Variants in ATPAF1 observed in about 807,000 individuals in gnomAD.
ATPAF1 encodes the protein homolog of yeast ATP11.
In ATPAF1, 26 loss-of-function variants were observed where a neutral mutation model predicts 43.9. The ratio of observed to expected loss-of-function variants is 0.59; its 90% CI spans 0.43 to 0.82. The LOEUF (loss-of-function observed/expected upper bound fraction) is 0.82. ATPAF1 is among the 40% of genes least tolerant of loss of function. The pLI, the probability that ATPAF1 is intolerant of heterozygous loss-of-function variation, is 0.00. For missense variants in ATPAF1, 366 were observed against 435.0 expected (o/e 0.84, Z 1.41); for synonymous variants, 157 against 168.0 (o/e 0.93, Z 0.50).
At chr1:46,650,332 T>C (rs1478766235) in intron 6 of ATPAF1, among the ~76,000 whole-genome samples, 1 of 150,822 alleles carries the variant, frequency 6.6e-6, no homozygotes, top group Admixed American at 6.6e-5. Context: ...AAGCCCATCC[T>C]GGGCAACACA....
intron 7 of ATPAF1, 116 bp from the exon 8 acceptor site, chr1:46,643,417 A>G (rs1745377): frequency 0.66 from 489,068 of 740,776 alleles, 169,337 homozygotes; most frequent in Non-Finnish European, 0.74. Context: ...TTGGGTGGCT[A>G]GTGAGTTGGA....
chr1:46,641,896 G>A (rs1009074736), intron 8 of ATPAF1, among the ~76,000 whole-genome samples: 20 of 151,994 alleles, frequency 1.3e-4, no homozygotes, highest in Non-Finnish European at 2.2e-4. Flanking sequence ...TCAGTCCTAT[G>A]GTTTTAAGTA....
chr1:46,652,957 A>ACAATGAG (rs1473518034), intron 5 of ATPAF1, among the ~76,000 whole-genome samples: 7 of 152,122 alleles, frequency 4.6e-5, no homozygotes, highest in Non-Finnish European at 7.4e-5. Context: ...CAGAGATCTA[A>ACAATGAG]AACATCACAA....
intron 4 of ATPAF1, among the ~76,000 whole-genome samples, chr1:46,655,747 T>C (rs11211334): frequency 0.38 from 57,822 of 151,994 alleles, 12,628 homozygotes; most frequent in Non-Finnish European, 0.5. Flanking sequence ...TCCCAAATTC[T>C]TCCTGTACTC....
At chr1:46,651,461 C>T (rs971203289) in intron 6 of ATPAF1, among the ~76,000 whole-genome samples, 8 of 152,152 alleles carry the variant, frequency 5.3e-5, no homozygotes, top group East Asian at 1.9e-4. Flanking sequence ...AATAAGCATA[C>T]GTGTGCATGT....
At chr1:46,640,375 C>G (rs762745024) in intron 8 of ATPAF1, among the ~76,000 whole-genome samples, 1 of 152,086 alleles carries the variant, frequency 6.6e-6, no homozygotes, top group Non-Finnish European at 1.5e-5. Context: ...TCTGGAAGGC[C>G]GAGGTGGGTC....
intron 6 of ATPAF1, among the ~76,000 whole-genome samples, chr1:46,646,437 G>C (rs918817585): frequency 4.6e-5 from 7 of 152,208 alleles, no homozygotes; most frequent in African/African-American, 1.7e-4. Flanking sequence ...AGATAAGGCT[G>C]ATATTGGAGC....
At chr1:46,665,955 G>T in intron 1 of ATPAF1, 1 of 1,005,530 alleles carries the variant, frequency 9.9e-7, no homozygotes, top group Non-Finnish European at 1.3e-6. Flanking sequence ...CAGGTTTGAA[G>T]TCCAGGCTGG....
At chr1:46,641,690 T>A (rs1011841734) in intron 8 of ATPAF1, among the ~76,000 whole-genome samples, 3 of 152,214 alleles carry the variant, frequency 2.0e-5, no homozygotes, top group African/African-American at 7.2e-5. Flanking sequence ...TTTGGTGAGT[T>A]GAGCAGTCCC....
rs61424226 is a variant in ATPAF1 at position 46,649,830 on chromosome 1, G to A, written c.588+2751C>T. Among the ~76,000 whole-genome samples the A allele has an allele frequency of 3.4e-3, 522 of 152,132 alleles. 3 individuals are homozygous for A. The highest frequency in any genetic ancestry group is 0.012 in the African/African-American group (506 of 41,482). On this transcript the variant is annotated intron_variant, in intron 6 of 8. Coordinates refer to ENST00000574428, the Ensembl canonical transcript of ATPAF1. ...AATCCCAGCTACTTAGAAGGCTGAG[G>A]TGGGGGTATTGCTTCAGCTGAAGAG...
In ATPAF1 at chr1:46,652,629, C is replaced by T; in HGVS notation, c.541-1G>A. Reference sequence around the variant, plus strand: ...TCCAGATCAAATCAAACTTTTCTGCCTGTAGGTTGGAAAAGAATAAAGTTA... The same window carrying T: ...TCCAGATCAAATCAAACTTTTCTGCTTGTAGGTTGGAAAAGAATAAAGTTA... On this transcript the variant is annotated splice_acceptor_variant, in intron 5 of 8. Transcript: ENST00000574428. LOFTEE classifies it high-confidence loss of function. 3.7e-6 allele frequency: 6 copies of T among 1,612,624 alleles called. No homozygotes were observed. The highest frequency in any genetic ancestry group is 5.1e-6 in the Non-Finnish European group (6 of 1,179,098).
rs147890721 is a variant in ATPAF1, at chr1:46,664,078, T to G, written c.375+1178A>C. Among the ~76,000 whole-genome samples the G allele has an allele frequency of 5.9e-3, 901 of 152,312 alleles. 11 individuals are homozygous for G. Among genetic ancestry groups the G allele is most frequent in the East Asian group, 0.033 (171 of 5,186 alleles). Reference sequence around the variant, plus strand: ...TTATACATTTTTTTTTCAGTTACAATCATATACCTACATGTGTACTGAATT... The same window carrying G: ...TTATACATTTTTTTTTCAGTTACAAGCATATACCTACATGTGTACTGAATT... On this transcript the variant is annotated intron_variant, in intron 2 of 8. Transcript: ENST00000574428.
chr1:46,649,968 A>G (rs903897474), intron 6 of ATPAF1, among the ~76,000 whole-genome samples: 25 of 152,084 alleles, frequency 1.6e-4, no homozygotes, highest in Admixed American at 1.5e-3. Flanking sequence ...GAGCCATCCA[A>G]TCCATGAACA....
At chr1:46,633,047 C>G (rs1290441419), downstream of ATPAF1, 2 of 152,632 alleles carry the variant, frequency 1.3e-5, no homozygotes, top group Non-Finnish European at 2.9e-5. Flanking sequence ...GTGTGGCTGG[C>G]TAATTACCTA....
intron 8 of ATPAF1, among the ~76,000 whole-genome samples, chr1:46,640,542 G>A (rs1245083363): frequency 3.3e-5 from 5 of 152,122 alleles, no homozygotes; most frequent in Non-Finnish European, 4.4e-5. Flanking sequence ...GCTGAGGCAG[G>A]AGAACTGCTT....
chr1:46,658,042 AAG>A (rs1325809290), intron 4 of ATPAF1, 83 bp downstream of exon 4: 1 of 1,281,830 alleles, frequency 7.8e-7, no homozygotes, highest in Non-Finnish European at 1.1e-6. Context: ...TGTGGCTAGA[AAG>A]AGGTGTCAGA....
intron 4 of ATPAF1, 30 bp downstream of exon 4, chr1:46,658,097 A>G (rs371569326): frequency 4.4e-6 from 7 of 1,590,846 alleles, no homozygotes; most frequent in Non-Finnish European, 6.0e-6. Context: ...ACATTTTCAT[A>G]GAGTAGGCCA....
chr1:46,647,501 CAT>C (rs764717017), intron 6 of ATPAF1, among the ~76,000 whole-genome samples: 109 of 107,292 alleles, frequency 1.0e-3, no homozygotes, highest in Non-Finnish European at 1.1e-3. Flanking sequence ...TGTATACACA[CAT>C]ACACACACAC....
At chr1:46,665,550 A>T in intron 1 of ATPAF1, 186 bp from the exon 2 acceptor site, 1 of 1,232,100 alleles carries the variant, frequency 8.1e-7, no homozygotes, top group Non-Finnish European at 1.1e-6. Context: ...AAATCCTGTT[A>T]TTCAACTGTT....
Sources: allele counts gnomAD v4.1 joint callset (sites outside exome capture counted in the v4.1 genomes callset), GRCh38; gene constraint gnomAD v4.1.1; transcripts MANE v1.5; gene names NCBI Gene and HGNC (gene_info 2026-07-23, HGNC 2026-07-21).